FARS2: variants seen among roughly 807,000 people sequenced by gnomAD.
The protein encoded by FARS2 is phenylalanine--tRNA ligase, mitochondrial.
Under a neutral mutation model 46.4 loss-of-function variants are expected in FARS2, and 40 were observed. That is an observed-to-expected ratio of 0.86 (90% CI 0.67 to 1.12). The LOEUF (loss-of-function observed/expected upper bound fraction) is 1.12. Among genes scored for constraint, FARS2 ranks in the 50% most tolerant of loss-of-function variants. FARS2 has a pLI of 0.00. For missense variants in FARS2, 513 were observed against 567.9 expected, an observed-to-expected ratio of 0.90 and a Z score of 0.98; for synonymous variants, 234 against 214.9, an observed-to-expected ratio of 1.09 and a Z score of -0.78.
At chr6:5,335,598 A>C (rs1771097975) in intron 1 of FARS2, among the ~76,000 whole-genome samples, 1 of 152,206 alleles carries the variant, frequency 6.6e-6, no homozygotes, top group African/African-American at 2.4e-5. Context: ...TTGAGCAATT[A>C]GCAATTAGTT....
chr6:5,278,972 A>G (rs1249143898), intron 1 of FARS2, among the ~76,000 whole-genome samples: 2 of 152,120 alleles, frequency 1.3e-5, no homozygotes, highest in African/African-American at 2.4e-5. Flanking sequence ...TACTGTCCAT[A>G]CTGTTCAGAG....
At chr6:5,570,169 T>C (rs951829810) in intron 5 of FARS2, among the ~76,000 whole-genome samples, 4 of 152,210 alleles carry the variant, frequency 2.6e-5, no homozygotes, top group African/African-American at 9.6e-5. Context: ...ATTTCTTCCT[T>C]GACCAAGGAC....
chr6:5,619,805 C>A (rs538250096), intron 6 of FARS2, among the ~76,000 whole-genome samples: 11 of 152,116 alleles, frequency 7.2e-5, no homozygotes, highest in African/African-American at 2.4e-4. Flanking sequence ...CATTCTCCTT[C>A]CTGTCTCCCT....
At position 5,331,037 on chromosome 6, in the gene FARS2, C is replaced by A. The variant is rs916257124; in HGVS notation, c.-21-37513C>A. Among the ~76,000 whole-genome samples the A allele has an allele frequency of 5.1e-4, 75 of 148,348 alleles. 1 individual carries two copies. The highest frequency in any genetic ancestry group is 1.3e-4 in the Non-Finnish European group (9 of 67,600). ...GGAGAATTGTTTGAGCCCAGGAGGT[C>A]AAGGGTGCAGTGAGCTGAGATTGCA... is the stretch of plus-strand genomic sequence containing the variant. On this transcript the variant is annotated intron_variant, in intron 1 of 6. Coordinates refer to ENST00000274680, the MANE Select transcript of FARS2 (RefSeq NM_006567.5).
At chr6:5,617,733 A>G (rs1315986454) in intron 6 of FARS2, among the ~76,000 whole-genome samples, 1 of 152,220 alleles carries the variant, frequency 6.6e-6, no homozygotes, top group East Asian at 1.9e-4. Flanking sequence ...GGACTTGGCA[A>G]TGGAGACTGT....
intron 4 of FARS2, among the ~76,000 whole-genome samples, chr6:5,508,655 G>A (rs1241596775): frequency 6.6e-6 from 1 of 152,246 alleles, no homozygotes; most frequent in African/African-American, 2.4e-5. Flanking sequence ...AGTCTGAATT[G>A]AAGGCCCTGA....
intron 5 of FARS2, among the ~76,000 whole-genome samples, chr6:5,601,307 A>T (rs142824006): frequency 0.028 from 4,185 of 152,162 alleles, 85 homozygotes; most frequent in Middle Eastern, 0.082. Context: ...GGATCACCCA[A>T]GGTCGGGAGT....
chr6:5,381,361 C>T lies in FARS2; in HGVS notation c.612+12179C>T, dbSNP rs1759764436. On this transcript the variant is annotated intron_variant, in intron 2 of 6. Coordinates refer to ENST00000274680, the MANE Select transcript of FARS2 (RefSeq NM_006567.5). Reference sequence around the variant, plus strand: ...GAGAGTCTGATGAGAAATTTGCATACTCCCCAGAAACACACACACACACAC... The same window carrying T: ...GAGAGTCTGATGAGAAATTTGCATATTCCCCAGAAACACACACACACACAC... Among the ~76,000 whole-genome samples the T allele has an allele frequency of 3.0e-5, 4 of 135,002 alleles. No homozygotes were observed. The Admixed American group carries it at 3.2e-4, about 11-fold the overall frequency. The allele number at this position is 135,002 out of a possible 152,430, so 88.6% of individuals were successfully genotyped here.
chr6:5,294,275 G>A (rs1366411551), intron 1 of FARS2, among the ~76,000 whole-genome samples: 1 of 152,142 alleles, frequency 6.6e-6, no homozygotes, highest in Non-Finnish European at 1.5e-5. Context: ...AGGAAGCCAG[G>A]ACCAGTGTTT....
chr6:5,408,762 G>A (rs568194326), intron 3 of FARS2, among the ~76,000 whole-genome samples: 6 of 152,148 alleles, frequency 3.9e-5, no homozygotes, highest in East Asian at 3.9e-4. Context: ...AGCACATGAC[G>A]AAAGAGTAAT....
At chr6:5,373,406 C>G (rs557901220) in intron 2 of FARS2, among the ~76,000 whole-genome samples, 3 of 152,226 alleles carry the variant, frequency 2.0e-5, no homozygotes, top group Admixed American at 1.3e-4. Context: ...ACTATAGAGT[C>G]TCCCCCAAAA....
At chr6:5,440,494 A>C (rs2127785874) in intron 4 of FARS2, among the ~76,000 whole-genome samples, 2 of 152,288 alleles carry the variant, frequency 1.3e-5, no homozygotes, top group Middle Eastern at 6.8e-3. Flanking sequence ...TTTTCCTGGG[A>C]TAAGTTTATA....
At chr6:5,634,776 G>A (rs1028470607) in intron 6 of FARS2, among the ~76,000 whole-genome samples, 18 of 152,224 alleles carry the variant, frequency 1.2e-4, no homozygotes, top group African/African-American at 3.9e-4. Context: ...GGAGGCCACA[G>A]TGTAGCCAGA....
intron 1 of FARS2, among the ~76,000 whole-genome samples, chr6:5,330,274 GTGT>G (rs1437943447): frequency 2.6e-5 from 4 of 152,286 alleles, no homozygotes; most frequent in African/African-American, 9.6e-5. Context: ...GTGTAGTATA[GTGT>G]TGTCTTCTAA....
Position 5,521,463 on chromosome 6 carries a change from T to TG in FARS2, c.905-23717_905-23716insG, listed in dbSNP as rs149663434. ...CAGGGGCTCTTTATTTCCTGTTGTGTCCCCATACGGGTGCAGTGTTGATGC... is the reference window on the plus strand; with the variant it reads ...CAGGGGCTCTTTATTTCCTGTTGTGTGCCCCATACGGGTGCAGTGTTGATGC... On this transcript the variant is annotated intron_variant, in intron 4 of 6. Coordinates refer to ENST00000274680, the MANE Select transcript of FARS2 (RefSeq NM_006567.5). 9.9e-3 allele frequency among the ~76,000 whole-genome samples: 1,512 copies of TG among 152,224 alleles called. 15 individuals are homozygous for TG. Among genetic ancestry groups the TG allele is most frequent in the Middle Eastern group, 0.017 (5 of 288 alleles).
intron 3 of FARS2, among the ~76,000 whole-genome samples, chr6:5,427,859 A>C (rs932177423): frequency 6.6e-6 from 1 of 152,228 alleles, no homozygotes; most frequent in African/African-American, 2.4e-5. Flanking sequence ...AACATATTTT[A>C]TCTTAAGAAT....
At chr6:5,269,459 TA>T (rs10707069) in intron 1 of FARS2, among the ~76,000 whole-genome samples, 96,159 of 137,510 alleles carry the variant, frequency 0.7, 32,078 homozygotes, top group East Asian at 0.84. Context: ...TAAAGTATAA[TA>T]AAAAAAAAAA....
intron 6 of FARS2, among the ~76,000 whole-genome samples, chr6:5,625,525 G>T (rs927763606): frequency 2.0e-5 from 3 of 152,184 alleles, no homozygotes; most frequent in African/African-American, 7.2e-5. Flanking sequence ...GACTGATGAT[G>T]TGCACAGATG....
intron 4 of FARS2, among the ~76,000 whole-genome samples, chr6:5,435,402 A>T (rs1392000154): frequency 6.6e-6 from 1 of 152,274 alleles, no homozygotes; most frequent in African/African-American, 2.4e-5. Context: ...AAGACATTTT[A>T]TTACACATTT....
Sources: allele counts gnomAD v4.1 joint callset (sites outside exome capture counted in the v4.1 genomes callset), GRCh38; gene constraint gnomAD v4.1.1; transcripts MANE v1.5; gene names NCBI Gene and HGNC (gene_info 2026-07-23, HGNC 2026-07-21).